The following PTPRD variants were observed in gnomAD, a reference collection of about 807,000 sequenced individuals.
PTPRD encodes the protein receptor-type tyrosine-protein phosphatase delta.
A neutral mutation model predicts 214.5 loss-of-function variants in PTPRD; 34 were observed. The ratio of observed to expected loss-of-function variants is 0.16; its 90% CI spans 0.12 to 0.21. The LOEUF is 0.21. PTPRD is among the 10% of genes least tolerant of loss of function. PTPRD has a pLI of 1.00. For missense variants in PTPRD, 2,545 were observed against 2,398.7 expected (o/e 1.06, Z -1.27); for synonymous variants, 1,128 against 845.7 (o/e 1.33, Z -5.79).
At chr9:9,973,867 A>G (rs1019837048) in intron 4 of PTPRD, among the ~76,000 whole-genome samples, 10 of 152,128 alleles carry the variant, frequency 6.6e-5, no homozygotes, top group Non-Finnish European at 1.5e-4. Flanking sequence ...GTAAGTGCAA[A>G]TGTGCTCTAA....
intron 6 of PTPRD, among the ~76,000 whole-genome samples, chr9:9,756,729 A>G (rs1038838832): frequency 6.6e-6 from 1 of 152,138 alleles, no homozygotes; most frequent in Admixed American, 6.6e-5. Context: ...ATGGTATATG[A>G]ATTTTACCTC....
At chr9:10,296,530 T>G (rs1249814670) in intron 3 of PTPRD, among the ~76,000 whole-genome samples, 3 of 152,096 alleles carry the variant, frequency 2.0e-5, no homozygotes, top group Admixed American at 2.0e-4. Flanking sequence ...CAGTTATGGA[T>G]CTGGAGTTGA....
chr9:8,767,219 G>C (rs1048365081), intron 11 of PTPRD, among the ~76,000 whole-genome samples: 3 of 152,098 alleles, frequency 2.0e-5, no homozygotes, highest in African/African-American at 7.2e-5. Context: ...CCAGGTTTGA[G>C]TGATTCTCCT....
At chr9:10,454,934 G>C (rs566291516) in intron 2 of PTPRD, among the ~76,000 whole-genome samples, 1 of 151,644 alleles carries the variant, frequency 6.6e-6, no homozygotes, top group Non-Finnish European at 1.5e-5. Context: ...CAAAACCTCA[G>C]TAACAGGCAA....
chr9:8,627,569 A>T (rs976947265), intron 14 of PTPRD, among the ~76,000 whole-genome samples: 2 of 151,894 alleles, frequency 1.3e-5, no homozygotes, highest in African/African-American at 2.4e-5. Flanking sequence ...CAATGCAATG[A>T]TTTACAAGTG....
chr9:8,846,723 G>A (rs1023902455), intron 11 of PTPRD, among the ~76,000 whole-genome samples: 1 of 152,182 alleles, frequency 6.6e-6, no homozygotes, highest in Non-Finnish European at 1.5e-5. Flanking sequence ...AAGTGTGTGT[G>A]TGTTAGGGAT....
At chr9:9,467,954 A>AT (rs946588646) in intron 8 of PTPRD, among the ~76,000 whole-genome samples, 4 of 152,030 alleles carry the variant, frequency 2.6e-5, no homozygotes, top group South Asian at 2.1e-4. Flanking sequence ...TAGCCTACAC[A>AT]TTTTTTTCCT....
intron 3 of PTPRD, among the ~76,000 whole-genome samples, chr9:10,195,644 A>G (rs551761383): frequency 6.6e-6 from 1 of 152,284 alleles, no homozygotes; most frequent in South Asian, 2.1e-4. Flanking sequence ...CCAACCATCT[A>G]TTTCTTACCT....
chr9:9,097,656 C>T (rs901451867), intron 10 of PTPRD, among the ~76,000 whole-genome samples: 2 of 151,862 alleles, frequency 1.3e-5, no homozygotes, highest in African/African-American at 2.4e-5. Context: ...GTGATCTGCC[C>T]GCCTCGGCCT....
intron 3 of PTPRD, among the ~76,000 whole-genome samples, chr9:10,305,539 T>C (rs1374238362): frequency 6.6e-6 from 1 of 151,948 alleles, no homozygotes. Flanking sequence ...AGGGCTAATA[T>C]CCAGAATCTA....
intron 8 of PTPRD, among the ~76,000 whole-genome samples, chr9:9,483,079 C>T (rs546589594): frequency 1.3e-5 from 2 of 152,128 alleles, no homozygotes; most frequent in Non-Finnish European, 2.9e-5. Flanking sequence ...TGACTAAATG[C>T]TTTCTAATAT....
rs79476648 is a variant in PTPRD at position 9,946,850 on chromosome 9, A to C, written c.-471-8240T>G. 5.7e-3 allele frequency among the ~76,000 whole-genome samples: 865 copies of C among 152,242 alleles called. 13 individuals carry two copies. The highest frequency in any genetic ancestry group is 0.019 in the African/African-American group (799 of 41,556). On this transcript the variant is annotated intron_variant, in intron 4 of 45. Coordinates refer to ENST00000381196, the MANE Select transcript of PTPRD (RefSeq NM_002839.4). ...AACTCAAGTAGTTCCACTGAAACTT[A>C]AAATATGCTTTAATTGAAGTGCAAT...
chr9:9,718,805 C>T (rs10759090), intron 7 of PTPRD, among the ~76,000 whole-genome samples: 44,398 of 152,086 alleles, frequency 0.29, 7,423 homozygotes, highest in Admixed American at 0.44. Flanking sequence ...ACTTTGGGTG[C>T]CAACAAGCAC....
In PTPRD at chr9:8,952,835, T is replaced by G. The variant is rs537613319; in HGVS notation, c.-104+65862A>C. Among the ~76,000 whole-genome samples the G allele has an allele frequency of 3.3e-5, 5 of 152,092 alleles. No homozygotes were observed. In the East Asian group the frequency reaches 9.7e-4, roughly 29 times the overall value. On this transcript the variant is annotated intron_variant, in intron 11 of 45. Transcript: ENST00000381196. ...ATTTAAACAGTTGAAGAATTTTTTT[T>G]GCTCACTCTCAATATGATATAACCT...
At chr9:10,254,983 C>T (rs1290299759) in intron 3 of PTPRD, among the ~76,000 whole-genome samples, 1 of 152,146 alleles carries the variant, frequency 6.6e-6, no homozygotes, top group Non-Finnish European at 1.5e-5. Flanking sequence ...AAATCTCTTG[C>T]TTTTTGAAAT....
intron 6 of PTPRD, among the ~76,000 whole-genome samples, chr9:9,748,299 G>C (rs757610733): frequency 2.6e-5 from 4 of 152,036 alleles, no homozygotes; most frequent in Non-Finnish European, 5.9e-5. Flanking sequence ...TTGCATATTT[G>C]CATGAATGTT....
At chr9:8,844,410 TC>T (rs35032139) in intron 11 of PTPRD, among the ~76,000 whole-genome samples, 2 of 152,228 alleles carry the variant, frequency 1.3e-5, no homozygotes, top group African/African-American at 4.8e-5. Context: ...ACATTTACAT[TC>T]CTTTTACTAA....
At chr9:8,707,878 G>C (rs1481943062) in intron 12 of PTPRD, among the ~76,000 whole-genome samples, 2 of 152,142 alleles carry the variant, frequency 1.3e-5, no homozygotes, top group Non-Finnish European at 2.9e-5. Flanking sequence ...TACCTATACT[G>C]GTTGTGTATT....
chr9:10,093,937 G>A (rs2098457751), intron 3 of PTPRD, among the ~76,000 whole-genome samples: 1 of 151,326 alleles, frequency 6.6e-6, no homozygotes, highest in African/African-American at 2.4e-5. Flanking sequence ...GACTACTAGA[G>A]CAGGGAGAGA....
Sources: gnomAD v4.1 joint callset for allele counts (sites outside exome capture counted in the v4.1 genomes callset) on GRCh38, gnomAD v4.1.1 for gene constraint, MANE v1.5 for transcripts, NCBI Gene and HGNC (gene_info 2026-07-23, HGNC 2026-07-21) for gene names.